The following PTGFRN variants were observed in gnomAD, a reference collection of about 807,000 sequenced individuals.
PTGFRN encodes the protein prostaglandin F2 receptor negative regulator.
PTGFRN carries 35 observed loss-of-function variants against 83.2 expected under a neutral mutation model. The observed-to-expected ratio is 0.42, with a 90% CI of 0.32 to 0.56. The LOEUF is 0.56. Among genes scored for constraint, PTGFRN ranks in the 20% least tolerant of loss-of-function variants. PTGFRN has a pLI of 0.11. For synonymous variants in PTGFRN, 519 were observed against 498.6 expected (o/e 1.04, Z -0.55); for missense variants, 1,051 against 1,179.5 (o/e 0.89, Z 1.60).
intron 2 of PTGFRN, among the ~76,000 whole-genome samples, chr1:116,943,256 T>C (rs1420233944): frequency 6.6e-6 from 1 of 152,246 alleles, no homozygotes; most frequent in Non-Finnish European, 1.5e-5. Flanking sequence ...CATCTACCTC[T>C]TTATTCCTAT....
At chr1:116,953,505 G>T (rs1424024475) in intron 4 of PTGFRN, among the ~76,000 whole-genome samples, 7 of 151,860 alleles carry the variant, frequency 4.6e-5, no homozygotes, top group Admixed American at 3.3e-4. Context: ...TTGGTTTCCT[G>T]GTTTAATATG....
chr1:116,969,056 C>G (rs1650918672), intron 6 of PTGFRN, among the ~76,000 whole-genome samples: 3 of 150,702 alleles, frequency 2.0e-5, no homozygotes, highest in Non-Finnish European at 3.0e-5. Context: ...TGTTGTCTTT[C>G]ACTTTCTTAA....
intron 1 of PTGFRN, among the ~76,000 whole-genome samples, chr1:116,912,260 TACCTTTTC>T (rs1182303470): frequency 1.3e-5 from 2 of 152,206 alleles, no homozygotes; most frequent in Non-Finnish European, 1.5e-5. Context: ...CACCAGCCAG[TACCTTTTC>T]ACCTAACAGT....
intron 1 of PTGFRN, among the ~76,000 whole-genome samples, chr1:116,938,982 C>G (rs776434373): frequency 8.5e-5 from 13 of 152,248 alleles, no homozygotes; most frequent in Non-Finnish European, 1.3e-4. Context: ...GACTCCACGT[C>G]TCACATCCAG....
chr1:116,982,977 T>A lies in PTGFRN; in HGVS notation c.2168-1703T>A, dbSNP rs1350924739. Among the ~76,000 whole-genome samples the A allele has an allele frequency of 2.0e-5, 3 of 152,150 alleles. No individual in the cohort carries two copies. The South Asian group carries it at 6.2e-4, about 32-fold the overall frequency. On this transcript the variant is annotated intron_variant, in intron 7 of 8. Transcript: ENST00000393203. ...CACCAGCTGCATTTGCTGCAGCTGG[T>A]AATGCCCTTCCCCTTAGCAGGTCTG...
chr1:116,921,929 A>G (rs1649545284), intron 1 of PTGFRN, among the ~76,000 whole-genome samples: 4 of 152,136 alleles, frequency 2.6e-5, no homozygotes. Flanking sequence ...TCAGGTATGA[A>G]AGTGGGCAGT....
chr1:116,926,419 G>A lies in PTGFRN; in HGVS notation c.50-15296G>A, dbSNP rs1168991540. On this transcript the variant is annotated intron_variant, in intron 1 of 8. Coordinates refer to ENST00000393203, the MANE Select transcript of PTGFRN (RefSeq NM_020440.4). ...AGCAGCTGCTAATTTTATAGAATGC[G>A]CTAAAATAAACCTTGTGGATAGATC... is the stretch of plus-strand genomic sequence containing the variant. 3.9e-5 allele frequency among the ~76,000 whole-genome samples: 6 copies of A among 152,274 alleles called. No individual in the cohort carries two copies. In the East Asian group the frequency reaches 5.8e-4, roughly 15 times the overall value.
intron 4 of PTGFRN, among the ~76,000 whole-genome samples, chr1:116,953,853 C>CT (rs531278323): frequency 0.069 from 9,326 of 134,974 alleles, 761 homozygotes; most frequent in East Asian, 0.38. Context: ...ATGAATATTT[C>CT]TTTTTTTTTT....
intron 1 of PTGFRN, among the ~76,000 whole-genome samples, chr1:116,925,018 G>C (rs1411222814): frequency 6.6e-6 from 1 of 152,192 alleles, no homozygotes; most frequent in African/African-American, 2.4e-5. Flanking sequence ...GAAGGATCAG[G>C]AAAGCCTTCA....
Position 116,961,465 on chromosome 1 carries a change from G to A in PTGFRN, c.1436G>A (p.Ser479Asn). ...TGGACGCTAAAATATGGAGAGAGGA[G>A]CAAGCAGCGGGCCCAGGATGGAGAC... Reference protein sequence around the residue: ...GDWTLKYGERSKQRAQDGDFI... With the variant: ...GDWTLKYGERNKQRAQDGDFI... Residue 479 changes from serine to asparagine, a missense_variant, in exon 5 of 9, where the codon AGC (serine) becomes AAC (asparagine). Physicochemically the swap from Ser to Asn is conservative, Grantham distance 46. Around this residue, in one of 3 missense-constraint regions of PTGFRN, gnomAD observed 719 missense variants for 836.6 expected, o/e 0.86. Coordinates refer to ENST00000393203, the MANE Select transcript of PTGFRN (RefSeq NM_020440.4). This position sits in a 1 kb window ranked among gnomAD's most constrained non-coding sequence, Gnocchi z 5.4. 1 of 1,614,180 alleles carries A rather than the reference G, an allele frequency of 6.2e-7. No individual in the cohort carries two copies. The highest frequency in any genetic ancestry group is 8.5e-7 in the Non-Finnish European group (1 of 1,180,026).
At chr1:116,957,151 CTGTGTGTGTG>C (rs57827917) in intron 4 of PTGFRN, among the ~76,000 whole-genome samples, 2 of 146,828 alleles carry the variant, frequency 1.4e-5, no homozygotes, top group African/African-American at 2.5e-5. Context: ...CGCTGGCTCG[CTGTGTGTGTG>C]TGTGTGTGTG....
At chr1:116,981,330 A>C (rs1174965373) in intron 7 of PTGFRN, among the ~76,000 whole-genome samples, 1 of 151,866 alleles carries the variant, frequency 6.6e-6, no homozygotes, top group Non-Finnish European at 1.5e-5. Flanking sequence ...GTAGTACCCC[A>C]CCCCATCACA....
intron 6 of PTGFRN, among the ~76,000 whole-genome samples, chr1:116,973,099 G>T (rs918777511): frequency 5.3e-5 from 8 of 152,032 alleles, no homozygotes; most frequent in Non-Finnish European, 1.2e-4. Context: ...GCTAATTTTT[G>T]TAGAGGCGGG....
Position 116,949,352 on chromosome 1 carries a change from G to T in PTGFRN, c.993G>T (p.Leu331Phe). 1 of 1,614,258 alleles carries T rather than the reference G, an allele frequency of 6.2e-7. No individual in the cohort carries two copies. The highest frequency in any genetic ancestry group is 1.6e-4 in the Middle Eastern group (1 of 6,062). The change falls in exon 4 of 9, where the codon TTG (leucine) becomes TTT (phenylalanine). Residue 331 changes from leucine to phenylalanine, a missense_variant. Transcript: ENST00000393203. ...GCACCCTACCTGGCTCCCGCGTGTT[G>T]GCGCGGCTTGACCGTGATTCCCTGG... ...PDSTLPGSRVLARLDRDSLVH... is the reference protein window; with the variant it reads ...PDSTLPGSRVFARLDRDSLVH...
chr1:116,953,189 G>T (rs1258755081), intron 4 of PTGFRN, among the ~76,000 whole-genome samples: 1 of 152,204 alleles, frequency 6.6e-6, no homozygotes, highest in Non-Finnish European at 1.5e-5. Context: ...AACCTGATTT[G>T]CATTCTTCCC....
rs561246768 is a variant in PTGFRN at position 116,987,631 on chromosome 1, T to C, written c.*664T>C. 2.0e-5 allele frequency: 3 copies of C among 152,528 alleles called. No individual in the cohort carries two copies. Among genetic ancestry groups the C allele is most frequent in the South Asian group, 2.1e-4 (1 of 4,822 alleles). The allele number at this position is 152,528 out of a possible 1,614,324, so 9.4% of individuals were successfully genotyped here. ...TTCCATTTCTTTTGTATTTGTTTTC[T>C]GTGAGAGCACTGAAATGGCAGCCCT... On this transcript the variant is annotated 3_prime_UTR_variant, in exon 9 of 9. Coordinates refer to ENST00000393203, the MANE Select transcript of PTGFRN (RefSeq NM_020440.4).
Position 116,989,033 on chromosome 1 carries a change from T to C in PTGFRN, c.*2066T>C, listed in dbSNP as rs1341078217. ...CAGGTGCTGTATTAGTAACAGCCAG[T>C]GCCCTTTCAGCCCTTGCATCTATTA... On this transcript the variant is annotated 3_prime_UTR_variant, in exon 9 of 9. Coordinates refer to ENST00000393203, the MANE Select transcript of PTGFRN (RefSeq NM_020440.4). 6.6e-6 allele frequency: 1 copy of C among 152,256 alleles called. No individual in the cohort carries two copies. The highest frequency in any genetic ancestry group is 2.4e-5 in the African/African-American group (1 of 41,462). The allele number at this position is 152,256 out of a possible 1,614,324, so 9.4% of individuals were successfully genotyped here.
intron 1 of PTGFRN, among the ~76,000 whole-genome samples, chr1:116,912,002 C>T (rs1649284605): frequency 6.6e-6 from 1 of 152,214 alleles, no homozygotes; most frequent in Admixed American, 6.5e-5. Context: ...GTGTGAATAA[C>T]TCCCCCTAGA....
chr1:116,913,736 T>C (rs1194873103), intron 1 of PTGFRN, among the ~76,000 whole-genome samples: 1 of 152,232 alleles, frequency 6.6e-6, no homozygotes, highest in African/African-American at 2.4e-5. Context: ...GCTGACTGAA[T>C]ACTTACATAT....
Sources: gnomAD v4.1 joint callset for allele counts (sites outside exome capture counted in the v4.1 genomes callset) on GRCh38, gnomAD v4.1.1 for gene constraint, gnomAD v4.1.1 regional missense constraint, Gnocchi (gnomAD v3.1) non-coding constraint, MANE v1.5 for transcripts, NCBI Gene and HGNC (gene_info 2026-07-23, HGNC 2026-07-21) for gene names.